Variants in MAGI1 observed in about 807,000 individuals in gnomAD.
MAGI1 encodes the protein membrane-associated guanylate kinase, WW and PDZ domain-containing protein 1.
In MAGI1, 58 loss-of-function variants were observed where a neutral mutation model predicts 139.9. The observed-to-expected ratio is 0.41, with a 90% CI of 0.34 to 0.52. The LOEUF is 0.52. Among genes scored for constraint, MAGI1 ranks in the 20% least tolerant of loss-of-function variants. MAGI1 has a pLI of 0.12. For missense variants in MAGI1, 1,874 were observed against 1,901.6 expected, an observed-to-expected ratio of 0.99 and a Z score of 0.27; for synonymous variants, 812 against 737.9, an observed-to-expected ratio of 1.10 and a Z score of -1.63.
intron 1 of MAGI1, among the ~76,000 whole-genome samples, chr3:65,941,188 A>C (rs1576173061): frequency 6.6e-6 from 1 of 151,852 alleles, no homozygotes; most frequent in African/African-American, 2.4e-5. Flanking sequence ...TCTACTAAAA[A>C]CTACAAAAAT....
chr3:65,635,086 T>TAC (rs2084534180), intron 1 of MAGI1, among the ~76,000 whole-genome samples: 1 of 151,654 alleles, frequency 6.6e-6, no homozygotes, highest in African/African-American at 2.4e-5. Flanking sequence ...TAAAATAAAA[T>TAC]ATATATATAT....
intron 2 of MAGI1, among the ~76,000 whole-genome samples, chr3:65,518,315 TTA>T (rs1198549742): frequency 3.3e-5 from 5 of 152,220 alleles, no homozygotes; most frequent in African/African-American, 7.2e-5. Flanking sequence ...GTATATTTAT[TTA>T]TCTTTCTTAT....
intron 1 of MAGI1, among the ~76,000 whole-genome samples, chr3:65,712,758 C>T (rs1053388235): frequency 6.6e-5 from 10 of 152,164 alleles, no homozygotes; most frequent in Admixed American, 2.0e-4. Context: ...GTAATCCACC[C>T]ACCTCGGTCT....
At chr3:65,906,240 G>T (rs1484335635) in intron 1 of MAGI1, among the ~76,000 whole-genome samples, 1 of 152,144 alleles carries the variant, frequency 6.6e-6, no homozygotes, top group African/African-American at 2.4e-5. Flanking sequence ...ATTCAAGGAT[G>T]GGAGACATCA....
At chr3:65,765,572 C>T (rs368429420) in intron 1 of MAGI1, among the ~76,000 whole-genome samples, 6 of 152,290 alleles carry the variant, frequency 3.9e-5, no homozygotes, top group East Asian at 3.9e-4. Flanking sequence ...CCAGGACAAC[C>T]TAATACCAGA....
At chr3:65,442,932 A>G (rs966141556) in intron 7 of MAGI1, 83 bp from the exon 8 acceptor site, 129 of 976,026 alleles carry the variant, frequency 1.3e-4, no homozygotes, top group Admixed American at 2.2e-4. Flanking sequence ...TTAGGCAAAA[A>G]GAGAAAGACT....
At chr3:65,903,976 C>G (rs1274095949) in intron 1 of MAGI1, among the ~76,000 whole-genome samples, 1 of 151,808 alleles carries the variant, frequency 6.6e-6, no homozygotes, top group Non-Finnish European at 1.5e-5. Context: ...CCACTGCATT[C>G]CAGCCTGGGT....
At chr3:65,858,208 C>T (rs777050062) in intron 1 of MAGI1, among the ~76,000 whole-genome samples, 1 of 152,186 alleles carries the variant, frequency 6.6e-6, no homozygotes, top group African/African-American at 2.4e-5. Flanking sequence ...TCCTTAGCAT[C>T]AAACAAAACT....
At chr3:65,549,041 C>T (rs572567974) in intron 2 of MAGI1, among the ~76,000 whole-genome samples, 135 of 152,290 alleles carry the variant, frequency 8.9e-4, no homozygotes, top group African/African-American at 2.9e-3. Flanking sequence ...GGGCCGCCCG[C>T]GTCTCCTTGC....
intron 2 of MAGI1, among the ~76,000 whole-genome samples, chr3:65,506,107 C>G (rs1298125905): frequency 6.6e-6 from 1 of 152,108 alleles, no homozygotes; most frequent in Non-Finnish European, 1.5e-5. Context: ...TCCAGAGAAA[C>G]TGTTAAAAAA....
chr3:65,926,545 AC>A (rs1466787792), intron 1 of MAGI1, among the ~76,000 whole-genome samples: 1 of 152,164 alleles, frequency 6.6e-6, no homozygotes, highest in African/African-American at 2.4e-5. Flanking sequence ...GGTAATAAAG[AC>A]CTTGCTGATA....
intron 12 of MAGI1, among the ~76,000 whole-genome samples, chr3:65,424,283 T>C (rs1946846910): frequency 1.3e-5 from 2 of 152,196 alleles, no homozygotes; most frequent in Non-Finnish European, 2.9e-5. Flanking sequence ...AGTTACAAAG[T>C]GTGCTTATAA....
chr3:65,390,978 T>A (rs1409792030), intron 14 of MAGI1, among the ~76,000 whole-genome samples, 164 bp downstream of exon 14: 1 of 152,196 alleles, frequency 6.6e-6, no homozygotes, highest in Non-Finnish European at 1.5e-5. Context: ...GGAGACTCCA[T>A]GAATAGCCAG....
At chr3:65,364,477 A>G (rs1036552488) in intron 20 of MAGI1, among the ~76,000 whole-genome samples, 188 bp downstream of exon 20, 1 of 152,200 alleles carries the variant, frequency 6.6e-6, no homozygotes, top group Non-Finnish European at 1.5e-5. Context: ...ATCTAGGAAT[A>G]TTTTAAGGTA....
In MAGI1 at chr3:65,356,344, T is replaced by C. The variant is rs767619035; in HGVS notation, c.*34A>G. 9.9e-6 allele frequency: 15 copies of C among 1,520,454 alleles called. No individual in the cohort carries two copies. The South Asian group carries it at 1.9e-4, about 20-fold the overall frequency. 94.2% of individuals were successfully genotyped at this position (1,520,454 alleles called of 1,614,324 possible). On this transcript the variant is annotated 3_prime_UTR_variant, in exon 23 of 23. Transcript: ENST00000402939. Reference sequence around the variant, plus strand: ...TTTGTGACTTTCCTCTTAGAACCTTTGACACGGTAAAGGTTGGAATGTGAC... The same window carrying C: ...TTTGTGACTTTCCTCTTAGAACCTTCGACACGGTAAAGGTTGGAATGTGAC...
chr3:65,740,277 C>T (rs1347984037), intron 1 of MAGI1, among the ~76,000 whole-genome samples: 1 of 152,180 alleles, frequency 6.6e-6, no homozygotes, highest in Non-Finnish European at 1.5e-5. Flanking sequence ...TTTCTGGGCA[C>T]TGGTCATCGT....
chr3:65,667,215 G>A (rs1410673272), intron 1 of MAGI1, among the ~76,000 whole-genome samples: 6 of 152,136 alleles, frequency 3.9e-5, no homozygotes, highest in African/African-American at 1.2e-4. Context: ...AGGCCTTCAG[G>A]GACAATTCAA....
At chr3:65,544,675 G>A (rs962317649) in intron 2 of MAGI1, among the ~76,000 whole-genome samples, 1 of 152,140 alleles carries the variant, frequency 6.6e-6, no homozygotes, top group African/African-American at 2.4e-5. Flanking sequence ...TGTTTTGTCT[G>A]TGTTAAGGCA....
intron 1 of MAGI1, among the ~76,000 whole-genome samples, chr3:65,695,467 T>C (rs765673526): frequency 6.6e-6 from 1 of 152,192 alleles, no homozygotes; most frequent in African/African-American, 2.4e-5. Flanking sequence ...TTGGAACTTG[T>C]ACTTGCTCCC....
Sources: allele counts gnomAD v4.1 joint callset (sites outside exome capture counted in the v4.1 genomes callset), GRCh38; gene constraint gnomAD v4.1.1; transcripts MANE v1.5; gene names NCBI Gene and HGNC (gene_info 2026-07-23, HGNC 2026-07-21).